Variants in OCM observed in about 807,000 individuals in gnomAD.
OCM encodes oncomodulin, also known as oncomodulin-1.
A neutral mutation model predicts 14.1 loss-of-function variants in OCM; 18 were observed. That is an observed-to-expected ratio of 1.28 (90% confidence interval 0.88 to 1.89). The LOEUF is 1.89. OCM is among the 40% of genes most tolerant of loss of function. The pLI, the probability that OCM is intolerant of heterozygous loss-of-function variation, is 0.00. For synonymous variants in OCM, 48 were observed against 51.0 expected (o/e 0.94, Z 0.25); for missense variants, 140 against 137.6 (o/e 1.02, Z -0.09).
the OCM span, among the ~76,000 whole-genome samples, chr7:5,862,014 G>A: frequency 2.6e-5 from 4 of 152,180 alleles, no homozygotes; most frequent in East Asian, 5.8e-4. Flanking sequence ...ATCCTCCTGC[G>A]TCAGCCTCCT....
chr7:5,878,897 A>G (rs897962158), upstream of OCM, among the ~76,000 whole-genome samples: 23 of 133,216 alleles, frequency 1.7e-4, no homozygotes, highest in African/African-American at 7.2e-4. Context: ...AAAAAAAAAA[A>G]AAGCCAGGCG....
the OCM span, among the ~76,000 whole-genome samples, chr7:5,868,785 G>A: frequency 5.3e-5 from 8 of 152,286 alleles, no homozygotes; most frequent in Admixed American, 3.9e-4. Flanking sequence ...AGTCCAGGCC[G>A]AGCACGGTGG....
the OCM span, among the ~76,000 whole-genome samples, chr7:5,864,301 C>T: frequency 2.0e-5 from 3 of 150,212 alleles, no homozygotes; most frequent in Admixed American, 2.0e-4. Context: ...GAGCTGTGAT[C>T]GCACCACTGC....
At chr7:5,884,816 G>C (rs1359182129) in intron 3 of OCM, among the ~76,000 whole-genome samples, 2 of 152,038 alleles carry the variant, frequency 1.3e-5, no homozygotes, top group African/African-American at 4.8e-5. Context: ...AGGGGGGATT[G>C]CCTTATTTAA....
At chr7:5,863,552 A>T in the OCM span, among the ~76,000 whole-genome samples, 1 of 148,988 alleles carries the variant, frequency 6.7e-6, no homozygotes, top group Non-Finnish European at 1.5e-5. Context: ...TTTTTTCTCA[A>T]GATGGAGTCT....
the OCM span, among the ~76,000 whole-genome samples, chr7:5,873,478 T>G: frequency 6.6e-6 from 1 of 152,238 alleles, no homozygotes; most frequent in African/African-American, 2.4e-5. Context: ...GCAGGAGGAC[T>G]GCTCAAGCCC....
chr7:5,864,568 A>T, the OCM span, among the ~76,000 whole-genome samples: 1 of 152,104 alleles, frequency 6.6e-6, no homozygotes, highest in Non-Finnish European at 1.5e-5. Flanking sequence ...ACCAGCAAGA[A>T]AATTCAGCAT....
chr7:5,860,514 G>A, the OCM span, among the ~76,000 whole-genome samples: 5 of 116,948 alleles, frequency 4.3e-5, 1 homozygote, highest in Non-Finnish European at 7.1e-5. Flanking sequence ...GTATATATAC[G>A]TGTATATATA....
At position 5,883,986 on chromosome 7, in the gene OCM, A is replaced by G. The variant is rs1312625146; in HGVS notation, c.291A>G (p.Lys97=). ...MAAADNDGDG[K]IGAEEFQEMV... ...CGGCGGATAATGATGGAGATGGGAAAATTGGAGCAGAGGGTATGTCCACAC... is the reference window on the plus strand; with the variant it reads ...CGGCGGATAATGATGGAGATGGGAAGATTGGAGCAGAGGGTATGTCCACAC... The change falls in exon 3 of 4, where the codon AAA becomes AAG. Residue 97 remains lysine (K), a synonymous_variant. Coordinates refer to ENST00000242104, the MANE Select transcript of OCM (RefSeq NM_001097622.2). 28 of 1,612,576 alleles carry G rather than the reference A, an allele frequency of 1.7e-5. No individual in the cohort carries two copies. The highest frequency in any genetic ancestry group is 2.3e-5 in the Non-Finnish European group (27 of 1,179,338).
At chr7:5,872,617 C>T in the OCM span, among the ~76,000 whole-genome samples, 3 of 151,974 alleles carry the variant, frequency 2.0e-5, no homozygotes, top group African/African-American at 4.8e-5. Context: ...AATGAAAGAC[C>T]GAAGATAAAA....
At chr7:5,869,651 A>G in the OCM span, among the ~76,000 whole-genome samples, 1 of 152,086 alleles carries the variant, frequency 6.6e-6, no homozygotes, top group Non-Finnish European at 1.5e-5. Context: ...ATCCTCCCCT[A>G]TGATCTCATT....
At chr7:5,868,425 G>A in the OCM span, among the ~76,000 whole-genome samples, 2,679 of 152,198 alleles carry the variant, frequency 0.018, 67 homozygotes, top group African/African-American at 0.061. Flanking sequence ...GGGATTACAG[G>A]TGTGAGCCAC....
chr7:5,870,603 G>C, the OCM span, among the ~76,000 whole-genome samples: 1 of 152,174 alleles, frequency 6.6e-6, no homozygotes, highest in Non-Finnish European at 1.5e-5. Context: ...GGTACATTCT[G>C]GCCATCTAAT....
At chr7:5,875,607 C>T (rs190445438), upstream of OCM, among the ~76,000 whole-genome samples, 214 of 151,976 alleles carry the variant, frequency 1.4e-3, 1 homozygote, top group African/African-American at 5.0e-3. Flanking sequence ...CACTCCTGGC[C>T]TGGTCTCTGG....
At chr7:5,878,502 T>C (rs952161956), upstream of OCM, among the ~76,000 whole-genome samples, 4 of 151,628 alleles carry the variant, frequency 2.6e-5, no homozygotes, top group African/African-American at 9.7e-5. Context: ...ATCCCAGCAC[T>C]TTGGGAGGCC....
the OCM span, among the ~76,000 whole-genome samples, chr7:5,860,079 A>G: frequency 6.6e-6 from 1 of 152,110 alleles, no homozygotes; most frequent in East Asian, 1.9e-4. Context: ...AAGAGAACCC[A>G]CATCATGGAC....
upstream of OCM, among the ~76,000 whole-genome samples, chr7:5,874,988 A>G (rs1417758849): frequency 6.6e-6 from 1 of 151,158 alleles, no homozygotes; most frequent in Non-Finnish European, 1.5e-5. Context: ...TATTCTAGGT[A>G]CCTCATATTA....
the OCM span, among the ~76,000 whole-genome samples, chr7:5,867,081 A>G: frequency 9.2e-5 from 14 of 152,260 alleles, no homozygotes; most frequent in East Asian, 3.9e-4. Flanking sequence ...GTGATTTCCA[A>G]TTGCTAAGAG....
chr7:5,862,805 C>G, the OCM span, among the ~76,000 whole-genome samples: 2 of 152,164 alleles, frequency 1.3e-5, no homozygotes, highest in Non-Finnish European at 2.9e-5. Flanking sequence ...ATGAATGCAT[C>G]ATGGACTCCT....
Sources: gnomAD v4.1 joint callset for allele counts (sites outside exome capture counted in the v4.1 genomes callset) on GRCh38, gnomAD v4.1.1 for gene constraint, MANE v1.5 for transcripts, NCBI Gene and HGNC (gene_info 2026-07-23, HGNC 2026-07-21) for gene names.